ARL15: variants seen among roughly 807,000 people sequenced by gnomAD.
ARL15 encodes the protein ARF like GTPase 15, also known as ADP-ribosylation factor-like protein 15.
In ARL15, 19 loss-of-function variants were observed where a neutral mutation model predicts 25.2. That is an observed-to-expected ratio of 0.75 (90% CI 0.53 to 1.10). The LOEUF (loss-of-function observed/expected upper bound fraction) is 1.10. ARL15 is among the 50% of genes least tolerant of loss of function. The probability of loss-of-function intolerance (pLI) is 0.00; values close to 1 mark genes in which losing one functional copy is unlikely to be tolerated. For missense variants in ARL15, 220 were observed against 246.0 expected, an observed-to-expected ratio of 0.89 and a Z score of 0.71; for synonymous variants, 94 against 86.8, an observed-to-expected ratio of 1.08 and a Z score of -0.46.
intron 4 of ARL15, among the ~76,000 whole-genome samples, chr5:53,965,059 T>C (rs1747504684): frequency 6.6e-6 from 1 of 152,236 alleles, no homozygotes; most frequent in Admixed American, 6.5e-5. Flanking sequence ...GAAGTCCTAA[T>C]TGTTAGAAAT....
chr5:54,230,251 G>T (rs914652125), intron 1 of ARL15, among the ~76,000 whole-genome samples: 6 of 151,446 alleles, frequency 4.0e-5, no homozygotes, highest in African/African-American at 1.5e-4. Flanking sequence ...GGAGGCTGAG[G>T]CAGGAGAATC....
intron 1 of ARL15, among the ~76,000 whole-genome samples, chr5:54,300,533 T>A (rs1758589562): frequency 6.6e-6 from 1 of 152,154 alleles, no homozygotes; most frequent in Non-Finnish European, 1.5e-5. Flanking sequence ...GATTCACGAG[T>A]AAAATACATT....
chr5:54,006,948 C>T (rs955735376), intron 4 of ARL15, among the ~76,000 whole-genome samples: 2 of 151,928 alleles, frequency 1.3e-5, no homozygotes, highest in South Asian at 4.2e-4. Flanking sequence ...CAAAATTAGC[C>T]GGGGTGGTGG....
At chr5:54,269,785 A>C (rs1757732960) in intron 1 of ARL15, among the ~76,000 whole-genome samples, 1 of 152,160 alleles carries the variant, frequency 6.6e-6, no homozygotes, top group Admixed American at 6.5e-5. Flanking sequence ...AGCTGGGATT[A>C]CAGATGCCTG....
intron 4 of ARL15, among the ~76,000 whole-genome samples, chr5:53,963,798 A>C (rs1419968294): frequency 1.0e-4 from 14 of 135,876 alleles, no homozygotes; most frequent in Admixed American, 9.0e-4. Flanking sequence ...ACAAGAGTGA[A>C]ACTCCATCAC....
At chr5:53,920,885 C>T (rs1385159749) in intron 4 of ARL15, among the ~76,000 whole-genome samples, 1 of 152,102 alleles carries the variant, frequency 6.6e-6, no homozygotes, top group Non-Finnish European at 1.5e-5. Flanking sequence ...ACCTCCAGGC[C>T]TGGCTCAAAC....
chr5:54,122,530 C>T (rs865808181), intron 3 of ARL15, among the ~76,000 whole-genome samples: 5 of 152,238 alleles, frequency 3.3e-5, no homozygotes, highest in South Asian at 2.1e-4. Context: ...GCTATTATTA[C>T]ACTTTATGAC....
intron 1 of ARL15, among the ~76,000 whole-genome samples, chr5:54,225,629 A>C (rs1756497546): frequency 6.6e-6 from 1 of 152,142 alleles, no homozygotes; most frequent in African/African-American, 2.4e-5. Flanking sequence ...ATAGGATAAA[A>C]GGAGGAAAGT....
intron 4 of ARL15, among the ~76,000 whole-genome samples, chr5:53,900,702 A>C (rs1400885131): frequency 3.3e-5 from 5 of 152,170 alleles, no homozygotes; most frequent in Non-Finnish European, 5.9e-5. Flanking sequence ...ATGTTAGTAA[A>C]AGAAGAAAAT....
At chr5:54,013,079 T>C (rs576123961) in intron 4 of ARL15, among the ~76,000 whole-genome samples, 29 of 152,260 alleles carry the variant, frequency 1.9e-4, no homozygotes, top group African/African-American at 6.7e-4. Flanking sequence ...GGATTACAGG[T>C]GTGAGCCACC....
At chr5:53,920,960 A>G (rs1230958405) in intron 4 of ARL15, among the ~76,000 whole-genome samples, 1 of 152,120 alleles carries the variant, frequency 6.6e-6, no homozygotes, top group Non-Finnish European at 1.5e-5. Context: ...AAGTGGTTGA[A>G]TAAAGTGGCC....
chr5:54,304,886 A>T (rs185546304), intron 1 of ARL15, among the ~76,000 whole-genome samples: 1 of 152,186 alleles, frequency 6.6e-6, no homozygotes, highest in South Asian at 2.1e-4. Context: ...TTCACAGATA[A>T]CTGAACATAA....
chr5:54,024,639 T>C (rs1017890486), intron 4 of ARL15, among the ~76,000 whole-genome samples: 2 of 152,190 alleles, frequency 1.3e-5, no homozygotes, highest in Non-Finnish European at 2.9e-5. Flanking sequence ...GAAGAATGTA[T>C]TTATGTTCAT....
intron 3 of ARL15, among the ~76,000 whole-genome samples, chr5:54,135,327 T>C (rs72752124): frequency 0.032 from 4,812 of 152,250 alleles, 105 homozygotes; most frequent in Non-Finnish European, 0.049. Flanking sequence ...AGACCACATC[T>C]ATAGCATCAT....
At chr5:53,907,910 C>T (rs2111967364) in intron 4 of ARL15, among the ~76,000 whole-genome samples, 1 of 152,222 alleles carries the variant, frequency 6.6e-6, no homozygotes, top group African/African-American at 2.4e-5. Flanking sequence ...AGAAATGTTT[C>T]AGATACGATT....
At position 54,149,564 on chromosome 5, in the gene ARL15, G is replaced by A. The variant is rs2112334805; in HGVS notation, c.253+5016C>T. On this transcript the variant is annotated intron_variant, in intron 3 of 4. Transcript: ENST00000504924. ...CTATAGGCCAAGCAAATTCTCAGTG[G>A]TTGACCTGCATTTACTAATTTAGCC... Among the ~76,000 whole-genome samples the A allele has an allele frequency of 1.3e-5, 2 of 152,282 alleles. 1 individual carries two copies. Among genetic ancestry groups the A allele is most frequent in the Non-Finnish European group, 2.9e-5 (2 of 68,018 alleles).
intron 4 of ARL15, among the ~76,000 whole-genome samples, chr5:53,978,771 C>T (rs1468189615): frequency 6.6e-6 from 1 of 151,664 alleles, no homozygotes; most frequent in East Asian, 1.9e-4. Flanking sequence ...AACAAAGTAC[C>T]TCAAGATCCA....
chr5:53,975,927 T>A (rs193096205), intron 4 of ARL15, among the ~76,000 whole-genome samples: 58 of 152,308 alleles, frequency 3.8e-4, no homozygotes, highest in Non-Finnish European at 7.3e-4. Context: ...TAAGTGGCCA[T>A]ACCTTTCTAT....
rs192992915 is a variant in ARL15, at chr5:54,078,035, T to C, written c.462+35167A>G. On this transcript the variant is annotated intron_variant, in intron 4 of 4. Coordinates refer to ENST00000504924, the MANE Select transcript of ARL15 (RefSeq NM_019087.3). Reference sequence around the variant, plus strand: ...AGTAAATTCTAAAGTAATTATTTCTTTCAAATAACAGCATTTCCAGTATTT... The same window carrying C: ...AGTAAATTCTAAAGTAATTATTTCTCTCAAATAACAGCATTTCCAGTATTT... Among the ~76,000 whole-genome samples, 32 of 152,308 alleles carry C rather than the reference T, an allele frequency of 2.1e-4. No individual in the cohort carries two copies. The East Asian group carries it at 6.0e-3, about 28-fold the overall frequency.
Sources: allele counts gnomAD v4.1 joint callset (sites outside exome capture counted in the v4.1 genomes callset), GRCh38; gene constraint gnomAD v4.1.1; transcripts MANE v1.5; gene names NCBI Gene and HGNC (gene_info 2026-07-23, HGNC 2026-07-21).